Variants in MYH9 observed in about 807,000 individuals in gnomAD.
MYH9 encodes myosin heavy chain 9.
A neutral mutation model predicts 241.9 loss-of-function variants in MYH9; 29 were observed. The observed-to-expected ratio is 0.12, with a 90% CI of 0.09 to 0.16. The LOEUF (loss-of-function observed/expected upper bound fraction) is 0.16. MYH9 is among the 10% of genes least tolerant of loss of function. The pLI is 1.00. For synonymous variants in MYH9, 1,047 were observed against 1,062.6 expected, an observed-to-expected ratio of 0.99 and a Z score of 0.29; for missense variants, 1,803 against 2,595.5, an observed-to-expected ratio of 0.69 and a Z score of 6.63.
chr22:36,296,783 A>T, intron 25 of MYH9, 60 bp downstream of exon 25: 3 of 1,527,006 alleles, frequency 2.0e-6, no homozygotes, highest in Middle Eastern at 2.4e-4. Flanking sequence ...TAGGGCCAGC[A>T]GCAAGCAGGA....
chr22:36,289,529 C>T (rs569308922), intron 31 of MYH9, among the ~76,000 whole-genome samples: 9 of 152,358 alleles, frequency 5.9e-5, no homozygotes, highest in South Asian at 4.1e-4. Context: ...CATGTTGTAA[C>T]GTCTGTTTAA....
intron 5 of MYH9, among the ~76,000 whole-genome samples, chr22:36,323,509 G>C (rs2017288452): frequency 6.6e-6 from 1 of 152,224 alleles, no homozygotes; most frequent in South Asian, 2.1e-4. Flanking sequence ...TTAAAGACTG[G>C]AGGCAAGCCA....
At chr22:36,348,279 C>T (rs903380007) in intron 2 of MYH9, among the ~76,000 whole-genome samples, 2 of 150,894 alleles carry the variant, frequency 1.3e-5, no homozygotes, top group Non-Finnish European at 3.0e-5. Context: ...GAGGCCGAGG[C>T]GGGTGGATCA....
intron 35 of MYH9, 39 bp downstream of exon 35, chr22:36,286,679 C>T (rs746353272): frequency 6.2e-7 from 1 of 1,608,176 alleles, no homozygotes; most frequent in Non-Finnish European, 8.5e-7. Context: ...CTGCTGGCCG[C>T]AGGGCAGCGG....
intron 3 of MYH9, among the ~76,000 whole-genome samples, chr22:36,333,387 T>C (rs1336241837): frequency 6.6e-6 from 1 of 152,218 alleles, no homozygotes; most frequent in Non-Finnish European, 1.5e-5. Context: ...CCTTTCAGCT[T>C]AGACCTGTGC....
At chr22:36,349,870 A>T (rs1478602422) in intron 1 of MYH9, among the ~76,000 whole-genome samples, 2 of 152,254 alleles carry the variant, frequency 1.3e-5, no homozygotes, top group African/African-American at 4.8e-5. Flanking sequence ...ATACAAAGGT[A>T]GCAAAGTAGC....
intron 10 of MYH9, 107 bp downstream of exon 10, chr22:36,319,433 A>C (rs1306222958): frequency 5.8e-6 from 6 of 1,031,778 alleles, no homozygotes; most frequent in African/African-American, 3.2e-5. Context: ...ACAGATACTA[A>C]CATTAAAAAG....
chr22:36,368,855 G>A (rs889337906), intron 1 of MYH9, among the ~76,000 whole-genome samples: 9 of 148,428 alleles, frequency 6.1e-5, no homozygotes, highest in African/African-American at 1.2e-4. Flanking sequence ...AGCCTGCCCC[G>A]TCCGCGATAG....
intron 20 of MYH9, among the ~76,000 whole-genome samples, chr22:36,302,033 G>A (rs988763857): frequency 2.0e-5 from 3 of 152,138 alleles, no homozygotes; most frequent in Non-Finnish European, 4.4e-5. Flanking sequence ...TAAATGGAAC[G>A]TACGAACTAC....
chr22:36,377,428 A>T (rs760594119), intron 1 of MYH9, among the ~76,000 whole-genome samples: 30 of 152,188 alleles, frequency 2.0e-4, no homozygotes, highest in Non-Finnish European at 3.1e-4. Flanking sequence ...AAAAAAAAAA[A>T]TACTTAAACC....
chr22:36,386,975 G>T (rs564222516), intron 1 of MYH9, among the ~76,000 whole-genome samples: 1 of 152,246 alleles, frequency 6.6e-6, no homozygotes, highest in African/African-American at 2.4e-5. Context: ...CCGCCCAGAC[G>T]GGATGGCCCC....
chr22:36,282,592 G>A lies in MYH9; in HGVS notation c.*76C>T. The A allele has an allele frequency of 1.5e-6, 2 of 1,323,222 alleles. No individual in the cohort carries two copies. The highest frequency in any genetic ancestry group is 2.9e-5 in the African/African-American group (2 of 69,316). The allele number at this position is 1,323,222 out of a possible 1,614,324, so 82.0% of individuals were successfully genotyped here. A position where few individuals can be genotyped will look rare whatever the true frequency, so the allele number is the denominator to read the frequency against. On this transcript the variant is annotated 3_prime_UTR_variant, in exon 41 of 41. Coordinates refer to ENST00000216181, the MANE Select transcript of MYH9 (RefSeq NM_002473.6). ...CAGCAGTCCCAAGAAGGTGGGGAGA[G>A]GCGTGCTGCGGGGTCTGGGAAGGGG...
At chr22:36,316,426 C>A (rs545031922) in intron 12 of MYH9, 91 bp downstream of exon 12, 9 of 1,584,914 alleles carry the variant, frequency 5.7e-6, no homozygotes, top group South Asian at 1.1e-5. Context: ...CAGATCGATG[C>A]AGGACCATGA....
At position 36,296,823 on chromosome 22, in the gene MYH9, C is replaced by A. The variant is rs369706460; in HGVS notation, c.3272+20G>T. On this transcript the variant is annotated intron_variant, in intron 25 of 40. Transcript: ENST00000216181. Reference sequence around the variant, plus strand: ...CTGGCCCAGGCCACCTGGCCTCAGGCGGGCAGGCGGGGTCCTCACCTGGCC... The same window carrying A: ...CTGGCCCAGGCCACCTGGCCTCAGGAGGGCAGGCGGGGTCCTCACCTGGCC... 15 of 1,592,156 alleles carry A rather than the reference C, an allele frequency of 9.4e-6. No individual in the cohort carries two copies. Among genetic ancestry groups the A allele is most frequent in the East Asian group, 2.2e-5 (1 of 44,468 alleles).
chr22:36,332,661 TAAAAAAAAAAAAAAAAA>T lies in MYH9; in HGVS notation c.491-5190_491-5174del, dbSNP rs67602880. Reference sequence around the variant, plus strand: ...TCCCCCTCCAGACACTCTGGATAATTAAAAAAAAAAAAAAAAAAAAAAAAAAAAACCTCAAGGTATTG... The same window carrying T: ...TCCCCCTCCAGACACTCTGGATAATTAAAAAAAAAAAACCTCAAGGTATTG... On this transcript the variant is annotated intron_variant, in intron 3 of 40. Coordinates refer to ENST00000216181, the MANE Select transcript of MYH9 (RefSeq NM_002473.6). 4.0e-4 allele frequency among the ~76,000 whole-genome samples: 18 copies of T among 44,508 alleles called. No homozygotes were observed. The East Asian group carries it at 6.0e-3, about 15-fold the overall frequency. 29.2% of individuals were successfully genotyped at this position (44,508 alleles called of 152,430 possible).
At chr22:36,349,433 T>G (rs2017732944) in intron 1 of MYH9, among the ~76,000 whole-genome samples, 178 bp from the exon 2 acceptor site, 2 of 152,120 alleles carry the variant, frequency 1.3e-5, no homozygotes, top group Admixed American at 6.5e-5. Context: ...TGTGCATCAC[T>G]GAAAAAACAA....
chr22:36,322,019 C>T, intron 6 of MYH9, 198 bp from the exon 7 acceptor site: 1 of 625,062 alleles, frequency 1.6e-6, no homozygotes, highest in South Asian at 1.8e-5. Flanking sequence ...AGGCGCCACA[C>T]TGCCTAAGGC....
chr22:36,285,266 G>C lies in MYH9; in HGVS notation c.5338C>G (p.Arg1780Gly). 3 of 1,614,020 alleles carry C rather than the reference G, an allele frequency of 1.9e-6. No individual in the cohort carries two copies. Among genetic ancestry groups the C allele is most frequent in the Non-Finnish European group, 2.5e-6 (3 of 1,180,036 alleles). ...TTGTTCTGGCGTTCCAGCTGCTGCC[G>C]AGCATTCTCGTTCTTCTGGGCGTGG... ...RSHAQKNENA[R>G]QQLERQNKEL... is the part of the protein sequence containing the mutation. The change falls in exon 38 of 41, where the codon CGG becomes GGG. Residue 1780 changes from arginine to glycine, a missense_variant. By Grantham distance (125) the Arg-to-Gly change is moderately radical. Around this residue, in one of 11 missense-constraint regions of MYH9, gnomAD observed 876 missense variants for 1,077.8 expected, o/e 0.81. Coordinates refer to ENST00000216181, the MANE Select transcript of MYH9 (RefSeq NM_002473.6). This position sits in a 1 kb window ranked among gnomAD's most constrained non-coding sequence, Gnocchi z 7.0.
At chr22:36,312,907 G>A (rs1203361609) in intron 13 of MYH9, among the ~76,000 whole-genome samples, 2 of 150,902 alleles carry the variant, frequency 1.3e-5, no homozygotes, top group East Asian at 2.0e-4. Context: ...TCAGGAGCTC[G>A]AGACCAGCCT....
Sources: gnomAD v4.1 joint callset for allele counts (sites outside exome capture counted in the v4.1 genomes callset) on GRCh38, gnomAD v4.1.1 for gene constraint, gnomAD v4.1.1 regional missense constraint, Gnocchi (gnomAD v3.1) non-coding constraint, MANE v1.5 for transcripts, NCBI Gene and HGNC (gene_info 2026-07-23, HGNC 2026-07-21) for gene names.